The following ZNF367 variants were observed in gnomAD, a reference collection of about 807,000 sequenced individuals.
The protein encoded by ZNF367 is C2H2 zinc finger protein ZFF29.
Under a neutral mutation model 31.8 loss-of-function variants are expected in ZNF367, and 11 were observed. The ratio of observed to expected loss-of-function variants is 0.35; its 90% CI spans 0.22 to 0.57. The LOEUF is 0.57. Ranked by LOEUF, ZNF367 falls within the 20% of genes least tolerant of loss-of-function variation. ZNF367 has a pLI of 0.85. For synonymous variants in ZNF367, 199 were observed against 202.4 expected (o/e 0.98, Z 0.14); for missense variants, 353 against 484.1 (o/e 0.73, Z 2.54).
At position 96,417,183 on chromosome 9, in the gene ZNF367, C is replaced by T. The variant is rs1028371565; in HGVS notation, c.420+430G>A. ...TTGCTCTTCGGCTGTCTCTGCAGGG[C>T]ATCTTTTAACAGGGCGAGGGCGATC... On this transcript the variant is annotated intron_variant, in intron 1 of 4. Coordinates refer to ENST00000375256, the MANE Select transcript of ZNF367 (RefSeq NM_153695.4). The surrounding 1 kb of genome is among the most constrained non-coding windows in gnomAD (Gnocchi z 5.0). Among the ~76,000 whole-genome samples, 8 of 152,316 alleles carry T rather than the reference C, an allele frequency of 5.3e-5. No homozygotes were observed. The highest frequency in any genetic ancestry group is 1.7e-4 in the African/African-American group (7 of 41,576).
chr9:96,413,325 A>G (rs1406309887), intron 1 of ZNF367, among the ~76,000 whole-genome samples: 1 of 152,220 alleles, frequency 6.6e-6, no homozygotes, highest in Non-Finnish European at 1.5e-5. Context: ...AGTGCCTACT[A>G]TGTTAACATG....
intron 1 of ZNF367, among the ~76,000 whole-genome samples, chr9:96,402,538 C>T (rs933857398): frequency 1.4e-5 from 2 of 147,040 alleles, no homozygotes; most frequent in African/African-American, 5.0e-5. Flanking sequence ...CTGCAACCTC[C>T]ACCTCCCAGG....
intron 1 of ZNF367, among the ~76,000 whole-genome samples, chr9:96,409,103 CCT>C (rs1435579880): frequency 6.6e-6 from 1 of 152,132 alleles, no homozygotes; most frequent in African/African-American, 2.4e-5. Context: ...CCTCTTGTTC[CCT>C]CTCTCACCAT....
Position 96,412,697 on chromosome 9 carries a change from C to CTT in ZNF367, c.420+4914_420+4915dup, listed in dbSNP as rs71368258. 7.4e-3 allele frequency among the ~76,000 whole-genome samples: 991 copies of CTT among 133,760 alleles called. 19 individuals are homozygous for CTT. The highest frequency in any genetic ancestry group is 0.025 in the African/African-American group (883 of 36,018). 87.8% of individuals were successfully genotyped at this position (133,760 alleles called of 152,430 possible). A position where few individuals can be genotyped will look rare whatever the true frequency, so the allele number is the denominator to read the frequency against. On this transcript the variant is annotated intron_variant, in intron 1 of 4. Transcript: ENST00000375256. ...TGTATTTCTTTTTTCTTTTTCTTTTCTTTTTTTTTTTTTTTTGAGACAGAA... is the reference window on the plus strand; with the variant it reads ...TGTATTTCTTTTTTCTTTTTCTTTTCTTTTTTTTTTTTTTTTTTGAGACAGAA...
In ZNF367 at chr9:96,407,713, TG is replaced by T. The variant is rs1831688607; in HGVS notation, c.421-9400del. 1.1e-5 allele frequency: 15 copies of T among 1,345,734 alleles called. No individual in the cohort carries two copies. The South Asian group carries it at 1.5e-4, about 14-fold the overall frequency. The allele number at this position is 1,345,734 out of a possible 1,614,324, so 83.4% of individuals were successfully genotyped here. On this transcript the variant is annotated intron_variant, in intron 1 of 4. Transcript: ENST00000375256. ...AGTTATTCGAACAGGAAAGAAGGCA[TG>T]GAAGAGGATAGTTACTAACGTGTGC... is the stretch of plus-strand genomic sequence containing the variant.
At chr9:96,412,788 C>T (rs1370818096) in intron 1 of ZNF367, among the ~76,000 whole-genome samples, 2 of 151,338 alleles carry the variant, frequency 1.3e-5, no homozygotes, top group East Asian at 1.9e-4. Context: ...CTCTGCCTCC[C>T]GGGTTCATGT....
chr9:96,398,291 G>C lies in ZNF367; in HGVS notation c.444C>G (p.Pro148=), dbSNP rs746565158. ...TTAAATCGCGGACAGTATCTGCTCT[G>C]GGCCTACCACGTCGGATTCCATCCT... The part of the protein sequence containing the change: ...HLKDGIRRGR[P]RADTVRDLIN... Residue 148 remains proline (P), a synonymous_variant, in exon 2 of 5, where the codon CCC becomes CCG. Transcript: ENST00000375256. 6.2e-7 allele frequency: 1 copy of C among 1,609,586 alleles called. No homozygotes were observed. The highest frequency in any genetic ancestry group is 8.5e-7 in the Non-Finnish European group (1 of 1,178,330).
chr9:96,392,183 C>A, intron 4 of ZNF367: 1 of 630,212 alleles, frequency 1.6e-6, no homozygotes, highest in Non-Finnish European at 2.7e-6. Context: ...GTAGTCTGGG[C>A]ACTCTAATTA....
Position 96,385,957 on chromosome 9 carries a change from A to G in ZNF367, c.*2280T>C, listed in dbSNP as rs2131067462. The G allele has an allele frequency of 6.6e-6, 1 of 152,326 alleles. No individual in the cohort carries two copies. Among genetic ancestry groups the G allele is most frequent in the Non-Finnish European group, 1.5e-5 (1 of 68,024 alleles). 9.4% of individuals were successfully genotyped at this position (152,326 alleles called of 1,614,324 possible). A position where few individuals can be genotyped will look rare whatever the true frequency, so the allele number is the denominator to read the frequency against. ...TACTTTAAATTTTAAATTAAAATAA[A>G]TTTTTATTCAAAGCATCTTTTAAAA... is the stretch of plus-strand genomic sequence containing the variant. On this transcript the variant is annotated 3_prime_UTR_variant, in exon 5 of 5. Transcript: ENST00000375256.
intron 1 of ZNF367, among the ~76,000 whole-genome samples, chr9:96,402,222 C>T (rs368373993): frequency 2.0e-5 from 3 of 151,976 alleles, no homozygotes; most frequent in East Asian, 1.9e-4. Context: ...CACCACTGCA[C>T]TCCAGCCTGG....
At chr9:96,405,941 T>C (rs1418835194) in intron 1 of ZNF367, among the ~76,000 whole-genome samples, 2 of 152,218 alleles carry the variant, frequency 1.3e-5, no homozygotes, top group Non-Finnish European at 2.9e-5. Flanking sequence ...TAATTTTACA[T>C]TGATTAAAAA....
intron 1 of ZNF367, among the ~76,000 whole-genome samples, chr9:96,412,548 T>C (rs964300656): frequency 6.6e-6 from 1 of 152,174 alleles, no homozygotes; most frequent in African/African-American, 2.4e-5. Flanking sequence ...CTTCCTAACT[T>C]GTAACTACCT....
chr9:96,402,642 T>TA (rs1229146434), intron 1 of ZNF367, among the ~76,000 whole-genome samples: 3 of 141,420 alleles, frequency 2.1e-5, no homozygotes, highest in Non-Finnish European at 4.6e-5. Flanking sequence ...TTTTTTTTTT[T>TA]TTTGTATTTT....
chr9:96,414,858 TA>T (rs1451212848), intron 1 of ZNF367, among the ~76,000 whole-genome samples: 1 of 152,330 alleles, frequency 6.6e-6, no homozygotes, highest in Non-Finnish European at 1.5e-5. Context: ...ATTTCATCTA[TA>T]TAACATTAAT....
chr9:96,416,084 G>GTTT (rs1564146300), intron 1 of ZNF367, among the ~76,000 whole-genome samples: 2 of 131,224 alleles, frequency 1.5e-5, no homozygotes, highest in Non-Finnish European at 1.6e-5. Context: ...TTTTTTTTTT[G>GTTT]TTGTTTTTTT....
At chr9:96,389,663 CTG>C (rs1197576236) in intron 4 of ZNF367, among the ~76,000 whole-genome samples, 1 of 152,288 alleles carries the variant, frequency 6.6e-6, no homozygotes, top group African/African-American at 2.4e-5. Context: ...ATGTATTAAA[CTG>C]TACACTTTAA....
chr9:96,401,388 A>G (rs952692871), intron 1 of ZNF367, among the ~76,000 whole-genome samples: 1 of 151,832 alleles, frequency 6.6e-6, no homozygotes, highest in Non-Finnish European at 1.5e-5. Flanking sequence ...TAGGCCGGGC[A>G]CGTGGCTCAA....
chr9:96,416,046 G>C (rs566412953), intron 1 of ZNF367, among the ~76,000 whole-genome samples: 1 of 151,068 alleles, frequency 6.6e-6, no homozygotes, highest in East Asian at 1.9e-4. Context: ...TCACAGGCAT[G>C]AGCCACCTCA....
intron 1 of ZNF367, chr9:96,407,621 A>G: frequency 6.9e-7 from 1 of 1,457,082 alleles, no homozygotes; most frequent in Non-Finnish European, 9.6e-7. Context: ...AAACGAAAAG[A>G]GAAGGCGGGA....
Sources: allele counts gnomAD v4.1 joint callset (sites outside exome capture counted in the v4.1 genomes callset), GRCh38; gene constraint gnomAD v4.1.1; non-coding constraint Gnocchi (gnomAD v3.1); transcripts MANE v1.5; gene names NCBI Gene and HGNC (gene_info 2026-07-23, HGNC 2026-07-21).